ZEB2: variants seen among roughly 807,000 people sequenced by gnomAD.
ZEB2 encodes the protein zinc finger E-box binding homeobox 2.
In ZEB2, 6 loss-of-function variants were observed where a neutral mutation model predicts 99.9. That is an observed-to-expected ratio of 0.06 (90% CI 0.03 to 0.12). ZEB2 has a LOEUF of 0.12. ZEB2 is among the 10% of genes least tolerant of loss of function. The pLI, the probability that ZEB2 is intolerant of heterozygous loss-of-function variation, is 1.00. For synonymous variants in ZEB2, 517 were observed against 542.5 expected, an observed-to-expected ratio of 0.95 and a Z score of 0.65; for missense variants, 969 against 1,502.8, an observed-to-expected ratio of 0.64 and a Z score of 5.87.
At chr2:144,440,193 G>A (rs1703886852) in intron 2 of ZEB2, among the ~76,000 whole-genome samples, 1 of 152,206 alleles carries the variant, frequency 6.6e-6, no homozygotes, top group South Asian at 2.1e-4. Flanking sequence ...CAGGGAGGCT[G>A]GAACTCAGAC....
intron 1 of ZEB2, chr2:144,519,243 C>G (rs1409037761): frequency 2.0e-5 from 3 of 152,046 alleles, no homozygotes; most frequent in Admixed American, 6.5e-5. Context: ...GCTGTAGTGC[C>G]CCCCCCTCCA....
At chr2:144,514,006 T>C in intron 2 of ZEB2, 1 of 886,088 alleles carries the variant, frequency 1.1e-6, no homozygotes, top group Non-Finnish European at 1.6e-6. Flanking sequence ...TCTTTCCTCC[T>C]GCACATCTTA....
rs921077892 is a variant in ZEB2, at chr2:144,472,470, G to A, written c.74-42444C>T. ...GGGGTGTGATTGGGGAGTCCTATGA[G>A]ATATGATAATAATACTAATAGCAAA... On this transcript the variant is annotated intron_variant, in intron 2 of 9. Coordinates refer to ENST00000627532, the MANE Select transcript of ZEB2 (RefSeq NM_014795.4). 2.6e-5 allele frequency among the ~76,000 whole-genome samples: 4 copies of A among 152,192 alleles called. No homozygotes were observed. In the East Asian group the frequency reaches 7.7e-4, roughly 29 times the overall value.
intron 2 of ZEB2, among the ~76,000 whole-genome samples, chr2:144,505,620 G>C (rs185979468): frequency 1.3e-5 from 2 of 152,296 alleles, no homozygotes; most frequent in East Asian, 3.9e-4. Flanking sequence ...GGCTGGGAGT[G>C]GGGGGTGTGG....
intron 2 of ZEB2, among the ~76,000 whole-genome samples, chr2:144,481,324 G>A (rs552961350): frequency 3.3e-5 from 5 of 152,248 alleles, no homozygotes; most frequent in South Asian, 2.1e-4. Flanking sequence ...TATGTGGCCC[G>A]AGCACATGGC....
chr2:144,411,995 C>A (rs187676497), intron 4 of ZEB2, among the ~76,000 whole-genome samples: 3 of 152,338 alleles, frequency 2.0e-5, no homozygotes, highest in Non-Finnish European at 4.4e-5. Flanking sequence ...ATAGGCCGGG[C>A]ACGGTGGCTT....
rs1164723911 is a variant in ZEB2 at position 144,384,849 on chromosome 2, T to C, written c.*4602A>G. The C allele has an allele frequency of 6.6e-6, 1 of 152,166 alleles. No individual in the cohort carries two copies. Among genetic ancestry groups the C allele is most frequent in the East Asian group, 1.9e-4 (1 of 5,194 alleles). The allele number at this position is 152,166 out of a possible 1,614,324, so 9.4% of individuals were successfully genotyped here. Reference sequence around the variant, plus strand: ...CTTCAGTCTGAATCTTTTTTTATGATGGGCACAAGCCATGTATTTTCTTCA... The same window carrying C: ...CTTCAGTCTGAATCTTTTTTTATGACGGGCACAAGCCATGTATTTTCTTCA... On this transcript the variant is annotated 3_prime_UTR_variant, in exon 10 of 10. Coordinates refer to ENST00000627532, the MANE Select transcript of ZEB2 (RefSeq NM_014795.4).
chr2:144,431,378 G>A (rs1161441137), intron 2 of ZEB2, among the ~76,000 whole-genome samples: 4 of 151,878 alleles, frequency 2.6e-5, no homozygotes, highest in African/African-American at 9.7e-5. Context: ...GAGTAAAAAA[G>A]GAACAAAAAG....
chr2:144,474,568 A>T (rs1241333113), intron 2 of ZEB2, among the ~76,000 whole-genome samples: 2 of 152,204 alleles, frequency 1.3e-5, no homozygotes, highest in Non-Finnish European at 2.9e-5. Flanking sequence ...TTAATAAATG[A>T]TACCAGTGTT....
rs2288353 is a variant in ZEB2 at position 144,430,216 on chromosome 2, T to C, written c.74-190A>G. On this transcript the variant is annotated intron_variant, in intron 2 of 9. Coordinates refer to ENST00000627532, the MANE Select transcript of ZEB2 (RefSeq NM_014795.4). ...CTTTTTCAATTATAGCTGGGTGCTC[T>C]TTCTGATTTTAAACAATTTTTTCCT... 0.33 allele frequency among the ~76,000 whole-genome samples: 50,810 copies of C among 152,028 alleles called. 9,225 individuals carry two copies. The highest frequency in any genetic ancestry group is 0.48 in the African/African-American group (19,746 of 41,444).
In ZEB2 at chr2:144,517,430, AAC is replaced by A; in HGVS notation, c.-69-13_-69-12del. 1 of 1,554,288 alleles carries A rather than the reference AAC, an allele frequency of 6.4e-7. No individual in the cohort carries two copies. The stretch of plus-strand genomic sequence containing the variant: ...GCACGCAGGCTCGATCTAGCAACCA[AAC>A]ACAGCGACAATGTGGGCATCGCCCG... On this transcript the variant is annotated splice_polypyrimidine_tract_variant and intron_variant, in intron 1 of 9. Coordinates refer to ENST00000627532, the MANE Select transcript of ZEB2 (RefSeq NM_014795.4).
At chr2:144,486,551 T>G (rs1704600459) in intron 2 of ZEB2, among the ~76,000 whole-genome samples, 1 of 152,290 alleles carries the variant, frequency 6.6e-6, no homozygotes, top group African/African-American at 2.4e-5. Context: ...AAAACAATTA[T>G]GGAAATGATC....
At chr2:144,475,921 T>C (rs1478612314) in intron 2 of ZEB2, among the ~76,000 whole-genome samples, 1 of 152,098 alleles carries the variant, frequency 6.6e-6, no homozygotes, top group African/African-American at 2.4e-5. Flanking sequence ...ATAAAATAAA[T>C]AGACACCAAA....
At chr2:144,428,967 T>C (rs1022992943) in intron 3 of ZEB2, 1 of 152,232 alleles carries the variant, frequency 6.6e-6, no homozygotes, top group African/African-American at 2.4e-5. Context: ...CAGGCCACTT[T>C]ACCATGTAAA....
chr2:144,471,477 G>A (rs1167627246), intron 2 of ZEB2, among the ~76,000 whole-genome samples: 1 of 151,400 alleles, frequency 6.6e-6, no homozygotes, highest in Non-Finnish European at 1.5e-5. Flanking sequence ...AAACCTAAGG[G>A]ACAGAGGTAG....
chr2:144,394,246 T>C (rs1703191034), intron 9 of ZEB2: 1 of 152,220 alleles, frequency 6.6e-6, no homozygotes, highest in East Asian at 1.9e-4. Flanking sequence ...AAATAAATTA[T>C]GCATATTTGT....
Position 144,469,849 on chromosome 2 carries a change from G to A in ZEB2, c.74-39823C>T, listed in dbSNP as rs188278738. On this transcript the variant is annotated intron_variant, in intron 2 of 9. Transcript: ENST00000627532. Reference sequence around the variant, plus strand: ...CAAATTACTTGTGCCTTTTAAGGAAGAGCCAAGTGCATCTGCTCATTTGAT... The same window carrying A: ...CAAATTACTTGTGCCTTTTAAGGAAAAGCCAAGTGCATCTGCTCATTTGAT... Among the ~76,000 whole-genome samples, 319 of 152,278 alleles carry A rather than the reference G, an allele frequency of 2.1e-3. 1 individual carries two copies. Among genetic ancestry groups the A allele is most frequent in the Non-Finnish European group, 3.5e-3 (236 of 68,016 alleles).
At chr2:144,412,976 T>C (rs1378785104) in intron 4 of ZEB2, among the ~76,000 whole-genome samples, 1 of 152,244 alleles carries the variant, frequency 6.6e-6, no homozygotes, top group Non-Finnish European at 1.5e-5. Flanking sequence ...TCAGGGTCCT[T>C]GGACTCCTCA....
chr2:144,394,457 C>T (rs1175022873), intron 9 of ZEB2: 1 of 152,054 alleles, frequency 6.6e-6, no homozygotes, highest in Non-Finnish European at 1.5e-5. Context: ...GGGAAAGATG[C>T]CTTCAGTGAT....
Sources: gnomAD v4.1 joint callset for allele counts (sites outside exome capture counted in the v4.1 genomes callset) on GRCh38, gnomAD v4.1.1 for gene constraint, MANE v1.5 for transcripts, NCBI Gene and HGNC (gene_info 2026-07-23, HGNC 2026-07-21) for gene names.